PDCD1LG2: variants seen among roughly 807,000 people sequenced by gnomAD.
PDCD1LG2 encodes the protein B7 dendritic cell molecule.
PDCD1LG2 carries 32 observed loss-of-function variants against 28.2 expected under a neutral mutation model. The observed-to-expected ratio is 1.13, with a 90% CI of 0.86 to 1.52. The LOEUF (loss-of-function observed/expected upper bound fraction) is 1.52. Among genes scored for constraint, PDCD1LG2 ranks in the 40% most tolerant of loss-of-function variants. PDCD1LG2 has a pLI of 0.00. For missense variants in PDCD1LG2, 385 were observed against 323.8 expected, an observed-to-expected ratio of 1.19 and a Z score of -1.45; for synonymous variants, 116 against 120.2, an observed-to-expected ratio of 0.97 and a Z score of 0.23.
At chr9:5,563,397 T>C (rs1816605227) in intron 6 of PDCD1LG2, among the ~76,000 whole-genome samples, 186 bp downstream of exon 6, 1 of 152,222 alleles carries the variant, frequency 6.6e-6, no homozygotes, top group Non-Finnish European at 1.5e-5. Flanking sequence ...TGCCATCTTT[T>C]GCTCGGTCTA....
At chr9:5,548,453 A>T (rs566927977) in intron 3 of PDCD1LG2, among the ~76,000 whole-genome samples, 1 of 152,346 alleles carries the variant, frequency 6.6e-6, no homozygotes, top group Admixed American at 6.5e-5. Flanking sequence ...TCATGCTGAA[A>T]TGAATAAAGG....
intron 5 of PDCD1LG2, among the ~76,000 whole-genome samples, chr9:5,558,809 G>A (rs1209447395): frequency 2.0e-5 from 3 of 152,220 alleles, no homozygotes; most frequent in African/African-American, 7.2e-5. Context: ...GAGGGAAGAA[G>A]ATGGCCAGGG....
In PDCD1LG2 at chr9:5,566,494, G is replaced by A. The variant is rs547506971; in HGVS notation, c.816+3283G>A. On this transcript the variant is annotated intron_variant, in intron 6 of 6. Coordinates refer to ENST00000397747, the MANE Select transcript of PDCD1LG2 (RefSeq NM_025239.4). Reference sequence around the variant, plus strand: ...TGCGTGTTATTTCTGGGTAGAAGATGTAAGAGTTGGCATATGCTTTGCCAT... The same window carrying A: ...TGCGTGTTATTTCTGGGTAGAAGATATAAGAGTTGGCATATGCTTTGCCAT... Among the ~76,000 whole-genome samples, 45 of 152,210 alleles carry A rather than the reference G, an allele frequency of 3.0e-4. 1 individual carries two copies. Among genetic ancestry groups the A allele is most frequent in the Non-Finnish European group, 5.0e-4 (34 of 68,040 alleles).
intron 5 of PDCD1LG2, among the ~76,000 whole-genome samples, chr9:5,561,972 G>C (rs1019754109): frequency 6.6e-6 from 1 of 152,136 alleles, no homozygotes; most frequent in African/African-American, 2.4e-5. Context: ...CCTTTCAAAT[G>C]CAAACCCTCA....
At chr9:5,551,588 C>G (rs1816334899) in intron 4 of PDCD1LG2, among the ~76,000 whole-genome samples, 1 of 152,190 alleles carries the variant, frequency 6.6e-6, no homozygotes, top group Non-Finnish European at 1.5e-5. Context: ...AATATGAACT[C>G]CATTCTGCTG....
intron 2 of PDCD1LG2, among the ~76,000 whole-genome samples, chr9:5,529,413 C>G (rs978584787): frequency 3.3e-4 from 50 of 152,186 alleles, no homozygotes; most frequent in African/African-American, 1.2e-3. Context: ...AACACCCATC[C>G]TTTCCCCATT....
intron 4 of PDCD1LG2, among the ~76,000 whole-genome samples, chr9:5,549,834 C>T (rs1353265706): frequency 6.6e-6 from 1 of 151,374 alleles, no homozygotes; most frequent in Non-Finnish European, 1.5e-5. Flanking sequence ...TAGGGAAAGC[C>T]CCACTTCCCA....
At chr9:5,549,887 C>T (rs915957973) in intron 4 of PDCD1LG2, among the ~76,000 whole-genome samples, 1 of 152,200 alleles carries the variant, frequency 6.6e-6, no homozygotes, top group Non-Finnish European at 1.5e-5. Context: ...CATGCAGCGA[C>T]TCCAAAGGGT....
chr9:5,560,571 A>T (rs915613211), intron 5 of PDCD1LG2, among the ~76,000 whole-genome samples: 1 of 152,158 alleles, frequency 6.6e-6, no homozygotes, highest in African/African-American at 2.4e-5. Flanking sequence ...AGGTAGGAGG[A>T]GGTCCCTGCC....
chr9:5,525,662 A>G (rs1297966587), intron 2 of PDCD1LG2, among the ~76,000 whole-genome samples: 1 of 152,118 alleles, frequency 6.6e-6, no homozygotes, highest in Non-Finnish European at 1.5e-5. Context: ...ATAAATAAAA[A>G]TTAAGGCCAG....
chr9:5,521,236 T>G (rs754721183), intron 1 of PDCD1LG2, among the ~76,000 whole-genome samples: 36 of 152,114 alleles, frequency 2.4e-4, no homozygotes, highest in Non-Finnish European at 1.5e-5. Context: ...ATAGGAAGTT[T>G]CTGCTAATGG....
chr9:5,542,878 C>G (rs1483814723), intron 3 of PDCD1LG2, among the ~76,000 whole-genome samples: 1 of 152,162 alleles, frequency 6.6e-6, no homozygotes, highest in Non-Finnish European at 1.5e-5. Flanking sequence ...GATACTTGCA[C>G]ACGCATTTTT....
chr9:5,535,536 A>C (rs1820564216), intron 3 of PDCD1LG2, among the ~76,000 whole-genome samples: 1 of 152,180 alleles, frequency 6.6e-6, no homozygotes, highest in African/African-American at 2.4e-5. Flanking sequence ...AAGAGAATAG[A>C]CAGAGTAGAT....
intron 6 of PDCD1LG2, among the ~76,000 whole-genome samples, chr9:5,567,007 T>C (rs919870291): frequency 2.0e-5 from 3 of 152,222 alleles, no homozygotes; most frequent in African/African-American, 7.2e-5. Flanking sequence ...TTTTATGTTT[T>C]CTGAATTTTT....
At chr9:5,555,897 C>T (rs7857315) in intron 4 of PDCD1LG2, among the ~76,000 whole-genome samples, 23,622 of 152,148 alleles carry the variant, frequency 0.16, 2,325 homozygotes, top group African/African-American at 0.26. Flanking sequence ...AGCTAATTCC[C>T]TAATACTAAA....
intron 1 of PDCD1LG2, among the ~76,000 whole-genome samples, chr9:5,514,851 A>G (rs2129683849): frequency 6.6e-6 from 1 of 152,102 alleles, no homozygotes; most frequent in East Asian, 1.9e-4. Context: ...GACAAGAAAT[A>G]TCCTGAGAGG....
At chr9:5,567,790 G>T (rs1199033783) in intron 6 of PDCD1LG2, among the ~76,000 whole-genome samples, 1 of 152,176 alleles carries the variant, frequency 6.6e-6, no homozygotes, top group Non-Finnish European at 1.5e-5. Flanking sequence ...GAACTAGAAG[G>T]ATGAATTTAT....
In PDCD1LG2 at chr9:5,549,508, G is replaced by A. The variant is rs2129876922; in HGVS notation, c.535G>A (p.Val179Ile). 1 of 1,614,172 alleles carries A rather than the reference G, an allele frequency of 6.2e-7. No homozygotes were observed. Among genetic ancestry groups the A allele is most frequent in the Non-Finnish European group, 8.5e-7 (1 of 1,180,026 alleles). The change falls in exon 4 of 7, where the codon GTT becomes ATT. Residue 179 changes from valine (V) to isoleucine (I), a missense_variant. By Grantham distance (29) the Val-to-Ile change is conservative. Coordinates refer to ENST00000397747, the MANE Select transcript of PDCD1LG2 (RefSeq NM_025239.4). ...TGAAGGCCTCTACCAGGTCACCAGT[G>A]TTCTGCGCCTAAAGCCACCCCCTGG... Reference protein sequence around the residue: ...TPEGLYQVTSVLRLKPPPGRN... With the variant: ...TPEGLYQVTSILRLKPPPGRN...
intron 4 of PDCD1LG2, among the ~76,000 whole-genome samples, chr9:5,550,002 G>C (rs1365472266): frequency 6.6e-6 from 1 of 152,154 alleles, no homozygotes; most frequent in Non-Finnish European, 1.5e-5. Context: ...AGAATACAAG[G>C]GTCCACTGTT....
Sources: allele counts gnomAD v4.1 joint callset (sites outside exome capture counted in the v4.1 genomes callset), GRCh38; gene constraint gnomAD v4.1.1; transcripts MANE v1.5; gene names NCBI Gene and HGNC (gene_info 2026-07-23, HGNC 2026-07-21).